The following PRKCA variants were observed in gnomAD, a reference collection of about 807,000 sequenced individuals.
PRKCA encodes protein kinase C alpha, also known as protein kinase C alpha type.
In PRKCA, 27 loss-of-function variants were observed where a neutral mutation model predicts 87.0. The observed-to-expected ratio is 0.31, with a 90% CI of 0.23 to 0.43. The LOEUF (loss-of-function observed/expected upper bound fraction) is 0.43. PRKCA is among the 20% of genes least tolerant of loss of function. PRKCA has a pLI of 1.00. For synonymous variants in PRKCA, 329 were observed against 311.1 expected (o/e 1.06, Z -0.61); for missense variants, 518 against 852.3 (o/e 0.61, Z 4.88).
chr17:66,802,988 A>G (rs1224275258), intron 16 of PRKCA, among the ~76,000 whole-genome samples: 2 of 152,036 alleles, frequency 1.3e-5, no homozygotes, highest in Non-Finnish European at 2.9e-5. Context: ...GGACTTCAAC[A>G]CGCCACTACC....
intron 2 of PRKCA, among the ~76,000 whole-genome samples, chr17:66,375,267 C>T (rs1226800593): frequency 6.6e-6 from 1 of 152,170 alleles, no homozygotes. Flanking sequence ...AAAGGAAGTT[C>T]CTTCACCTGG....
intron 2 of PRKCA, among the ~76,000 whole-genome samples, chr17:66,475,376 C>T (rs1481314785): frequency 3.3e-5 from 5 of 152,096 alleles, no homozygotes; most frequent in Non-Finnish European, 2.9e-5. Context: ...ATGCCTCAGT[C>T]TTTTCATCTG....
intron 3 of PRKCA, among the ~76,000 whole-genome samples, chr17:66,549,054 T>C (rs1004551615): frequency 6.6e-6 from 1 of 151,882 alleles, no homozygotes; most frequent in Non-Finnish European, 1.5e-5. Flanking sequence ...GACCCGCCTG[T>C]CTTGACCTCC....
At chr17:66,774,375 C>T (rs1975003022) in intron 14 of PRKCA, 1 of 1,153,076 alleles carries the variant, frequency 8.7e-7, no homozygotes, top group African/African-American at 1.6e-5. Context: ...AATCCCAGCA[C>T]TTTCAGAAGC....
chr17:66,762,255 C>T (rs1974702308), intron 13 of PRKCA, among the ~76,000 whole-genome samples: 1 of 152,208 alleles, frequency 6.6e-6, no homozygotes, highest in Admixed American at 6.5e-5. Flanking sequence ...ATAACTTTCA[C>T]CCACCTGCTT....
At chr17:66,644,414 C>T (rs1045942848) in intron 4 of PRKCA, among the ~76,000 whole-genome samples, 2 of 152,166 alleles carry the variant, frequency 1.3e-5, no homozygotes, top group East Asian at 1.9e-4. Flanking sequence ...GCCTTCCCTC[C>T]TTCTGGAAGC....
intron 5 of PRKCA, among the ~76,000 whole-genome samples, chr17:66,655,232 A>G (rs1024409973): frequency 6.6e-6 from 1 of 152,150 alleles, no homozygotes; most frequent in Non-Finnish European, 1.5e-5. Flanking sequence ...TATCTACTCT[A>G]TCTTCTTCCT....
At chr17:66,780,032 G>A (rs753847042) in intron 14 of PRKCA, among the ~76,000 whole-genome samples, 109 of 152,218 alleles carry the variant, frequency 7.2e-4, no homozygotes, top group Admixed American at 1.9e-3. Context: ...GCCTGAGAGC[G>A]AGTGATTACC....
chr17:66,486,728 T>C (rs576501854), intron 2 of PRKCA, among the ~76,000 whole-genome samples: 164 of 152,282 alleles, frequency 1.1e-3, no homozygotes, highest in Non-Finnish European at 1.7e-3. Flanking sequence ...CTCCACCTGC[T>C]TGTCTGACAC....
At chr17:66,645,134 C>G (rs1971417523) in intron 4 of PRKCA, among the ~76,000 whole-genome samples, 2 of 152,092 alleles carry the variant, frequency 1.3e-5, no homozygotes, top group African/African-American at 4.8e-5. Context: ...CACAGAAGCC[C>G]AAGCTGGGAT....
intron 2 of PRKCA, among the ~76,000 whole-genome samples, chr17:66,376,884 G>A: frequency 6.6e-6 from 1 of 152,066 alleles, no homozygotes; most frequent in East Asian, 1.9e-4. Flanking sequence ...GGCAAGTCAA[G>A]GCCTCCTCTC....
chr17:66,706,666 T>C (rs1012585121), intron 8 of PRKCA, among the ~76,000 whole-genome samples: 11 of 151,138 alleles, frequency 7.3e-5, no homozygotes, highest in Non-Finnish European at 1.3e-4. Context: ...GGTTTCAGGA[T>C]TTTTAAGTGG....
chr17:66,349,580 A>G (rs1226911533), intron 2 of PRKCA, among the ~76,000 whole-genome samples: 1 of 152,018 alleles, frequency 6.6e-6, no homozygotes, highest in Non-Finnish European at 1.5e-5. Flanking sequence ...ATCCCTTTTG[A>G]ACAGTTTGGG....
rs145212403 is a variant in PRKCA, at chr17:66,760,019, C to T, written c.1525-13968C>T. Among the ~76,000 whole-genome samples, 28 of 152,288 alleles carry T rather than the reference C, an allele frequency of 1.8e-4. No homozygotes were observed. The East Asian group carries it at 5.0e-3, about 27-fold the overall frequency. ...CCCTCTATCAGAAATAGACATATCC[C>T]GCAAGGAGAGAATCAGTAGGGACGG... On this transcript the variant is annotated intron_variant, in intron 13 of 16. Coordinates refer to ENST00000413366, the MANE Select transcript of PRKCA (RefSeq NM_002737.3).
chr17:66,310,730 G>A (rs1905048617), intron 2 of PRKCA, among the ~76,000 whole-genome samples: 1 of 152,188 alleles, frequency 6.6e-6, no homozygotes, highest in African/African-American at 2.4e-5. Flanking sequence ...CAGAAAACAA[G>A]ACTACTTAAG....
rs1214212799 is a variant in PRKCA at position 66,809,311 on chromosome 17, G to A, written c.*5274G>A. On this transcript the variant is annotated 3_prime_UTR_variant, in exon 17 of 17. Coordinates refer to ENST00000413366, the MANE Select transcript of PRKCA (RefSeq NM_002737.3). ...CTGTGCCTCCCATTTATGTGATCAGGTGACAGTTAATAACCGTGGAGGTCA... is the reference window on the plus strand; with the variant it reads ...CTGTGCCTCCCATTTATGTGATCAGATGACAGTTAATAACCGTGGAGGTCA... The A allele has an allele frequency of 6.6e-6, 1 of 152,546 alleles. No individual in the cohort carries two copies. The highest frequency in any genetic ancestry group is 1.5e-5 in the Non-Finnish European group (1 of 68,040). 9.4% of individuals were successfully genotyped at this position (152,546 alleles called of 1,614,324 possible). A position where few individuals can be genotyped will look rare whatever the true frequency, so the allele number is the denominator to read the frequency against.
At chr17:66,731,351 G>GCAAAAA (rs548166884) in intron 8 of PRKCA, among the ~76,000 whole-genome samples, 1 of 112,466 alleles carries the variant, frequency 8.9e-6, no homozygotes, top group East Asian at 2.6e-4. Context: ...CTCCGTCTCA[G>GCAAAAA]AAAAAAAAAA....
At chr17:66,679,289 T>A (rs1457645356) in intron 5 of PRKCA, among the ~76,000 whole-genome samples, 2 of 150,780 alleles carry the variant, frequency 1.3e-5, no homozygotes, top group Non-Finnish European at 2.9e-5. Flanking sequence ...CACGCCATTC[T>A]CCTGCCTCAG....
chr17:66,516,282 G>A (rs989060422), intron 3 of PRKCA, among the ~76,000 whole-genome samples: 1 of 152,070 alleles, frequency 6.6e-6, no homozygotes, highest in Non-Finnish European at 1.5e-5. Flanking sequence ...GAGGATAGGG[G>A]ATCAGGTAAG....
Sources: allele counts gnomAD v4.1 joint callset (sites outside exome capture counted in the v4.1 genomes callset), GRCh38; gene constraint gnomAD v4.1.1; transcripts MANE v1.5; gene names NCBI Gene and HGNC (gene_info 2026-07-23, HGNC 2026-07-21).